Variants in ZNF567 observed in about 807,000 individuals in gnomAD.
ZNF567 encodes zinc finger protein 567.
Under a neutral mutation model 53.9 loss-of-function variants are expected in ZNF567, and 36 were observed. The observed-to-expected ratio is 0.67, with a 90% CI of 0.51 to 0.88. The LOEUF is 0.88. Among genes scored for constraint, ZNF567 ranks in the 40% least tolerant of loss-of-function variants. ZNF567 has a pLI of 0.00. For missense variants in ZNF567, 619 were observed against 764.7 expected (o/e 0.81, Z 2.25); for synonymous variants, 224 against 260.4 (o/e 0.86, Z 1.35).
intron 3 of ZNF567, among the ~76,000 whole-genome samples, chr19:36,704,266 C>T (rs985526218): frequency 2.0e-5 from 3 of 151,668 alleles, no homozygotes; most frequent in African/African-American, 7.3e-5. Context: ...TACAAAAATA[C>T]AAAAAAAATT....
chr19:36,710,471 T>C (rs2039724525), intron 3 of ZNF567, among the ~76,000 whole-genome samples: 1 of 152,148 alleles, frequency 6.6e-6, no homozygotes. Context: ...AATTCTGTTA[T>C]ATCTGTTATG....
At chr19:36,697,918 C>CTTTT (rs71171464) in intron 3 of ZNF567, among the ~76,000 whole-genome samples, 2 of 135,746 alleles carry the variant, frequency 1.5e-5, no homozygotes, top group Admixed American at 7.4e-5. Context: ...GCTGGAATTT[C>CTTTT]TTTTTTTTTT....
rs114770092 is a variant in ZNF567, at chr19:36,708,411, A to G, written c.10-3975A>G. Among the ~76,000 whole-genome samples the G allele has an allele frequency of 1.3e-3, 196 of 152,288 alleles. 1 individual carries two copies. Among genetic ancestry groups the G allele is most frequent in the African/African-American group, 4.5e-3 (185 of 41,550 alleles). On this transcript the variant is annotated intron_variant, in intron 3 of 5. Transcript: ENST00000682579. ...CTTGCTTTTAAGTTTTTGTTAGTGTAGGTCAAGAGCAGCATTTTGGTCTAC... is the reference window on the plus strand; with the variant it reads ...CTTGCTTTTAAGTTTTTGTTAGTGTGGGTCAAGAGCAGCATTTTGGTCTAC...
At chr19:36,675,441 G>A in the ZNF567 span, among the ~76,000 whole-genome samples, 2 of 152,130 alleles carry the variant, frequency 1.3e-5, no homozygotes, top group Admixed American at 6.6e-5. Context: ...TTGGGAGGCT[G>A]AGGCAGACAG....
chr19:36,686,129 C>A (rs1467236698), upstream of ZNF567: 1 of 152,164 alleles, frequency 6.6e-6, no homozygotes, highest in East Asian at 1.9e-4. Flanking sequence ...CCTCACAAGG[C>A]CCTGCCTAAT....
At position 36,719,004 on chromosome 19, in the gene ZNF567, T is replaced by C; in HGVS notation, c.280T>C (p.Tyr94His). ...LVKFKEHQEK[Y>H]SRSVVSINHK... Reference sequence around the variant, plus strand: ...GAAATTCAAGGAACACCAAGAGAAGTATTCTAGATCAGTTGTAAGCATCAA... The same window carrying C: ...GAAATTCAAGGAACACCAAGAGAAGCATTCTAGATCAGTTGTAAGCATCAA... Residue 94 changes from tyrosine to histidine, a missense_variant, in exon 6 of 6, where the codon TAT becomes CAT. Coordinates refer to ENST00000682579, the MANE Select transcript of ZNF567 (RefSeq NM_001322917.1). 3.1e-6 allele frequency: 5 copies of C among 1,589,326 alleles called. No individual in the cohort carries two copies. Among genetic ancestry groups the C allele is most frequent in the Non-Finnish European group, 4.3e-6 (5 of 1,173,518 alleles).
At chr19:36,673,025 T>A in the ZNF567 span, among the ~76,000 whole-genome samples, 2 of 152,256 alleles carry the variant, frequency 1.3e-5, no homozygotes, top group Non-Finnish European at 2.9e-5. Flanking sequence ...TTCATCCCTT[T>A]CATATCTCTT....
intron 5 of ZNF567, among the ~76,000 whole-genome samples, chr19:36,715,896 T>C (rs886581650): frequency 1.3e-5 from 2 of 152,212 alleles, no homozygotes; most frequent in Non-Finnish European, 1.5e-5. Context: ...TCATTTCTTA[T>C]GGATCTCTTC....
chr19:36,718,077 G>A (rs1424334463), intron 5 of ZNF567, among the ~76,000 whole-genome samples: 1 of 152,158 alleles, frequency 6.6e-6, no homozygotes, highest in Non-Finnish European at 1.5e-5. Flanking sequence ...GAGGATTAGA[G>A]CATAGACTGT....
chr19:36,705,801 A>G (rs2039461138), intron 3 of ZNF567, among the ~76,000 whole-genome samples: 1 of 152,186 alleles, frequency 6.6e-6, no homozygotes, highest in African/African-American at 2.4e-5. Context: ...TTTTAGATGC[A>G]TTTATATTTA....
chr19:36,686,425 C>A (rs1406883433), upstream of ZNF567: 1 of 152,156 alleles, frequency 6.6e-6, no homozygotes, highest in Non-Finnish European at 1.5e-5. Context: ...CATAAACATA[C>A]TCAGATGGAA....
downstream of ZNF567, among the ~76,000 whole-genome samples, chr19:36,721,671 A>T (rs2040300351): frequency 6.6e-6 from 1 of 152,024 alleles, no homozygotes; most frequent in South Asian, 2.1e-4. Context: ...ATTAGAATTC[A>T]TACAAGAGAA....
upstream of ZNF567, chr19:36,687,384 GCTCGGGGCTTCCTC>G (rs1215541140): frequency 6.6e-6 from 1 of 152,438 alleles, no homozygotes; most frequent in Non-Finnish European, 1.5e-5. Context: ...CGTCCCGGGA[GCTCGGGGCTTCCTC>G]ACCGTGAGCG....
the ZNF567 span, among the ~76,000 whole-genome samples, chr19:36,680,928 CA>C: frequency 6.6e-6 from 1 of 152,174 alleles, no homozygotes; most frequent in Non-Finnish European, 1.5e-5. Flanking sequence ...ATGAACTACT[CA>C]TCTCAAACTT....
At chr19:36,684,582 T>C (rs1028415179), upstream of ZNF567, among the ~76,000 whole-genome samples, 1 of 152,172 alleles carries the variant, frequency 6.6e-6, no homozygotes, top group Non-Finnish European at 1.5e-5. Context: ...GTTCCTCTTA[T>C]CAGTTGCCTC....
the ZNF567 span, among the ~76,000 whole-genome samples, chr19:36,676,108 C>T: frequency 8.2e-6 from 1 of 121,292 alleles, no homozygotes; most frequent in African/African-American, 3.3e-5. Flanking sequence ...ACTCTGTTGC[C>T]CAGGGTGGAG....
At chr19:36,695,126 C>T (rs3108184) in intron 3 of ZNF567, among the ~76,000 whole-genome samples, 101,459 of 151,054 alleles carry the variant, frequency 0.67, 34,346 homozygotes, top group East Asian at 0.82. Context: ...AACAGCACTT[C>T]GCTCCCAGCA....
intron 3 of ZNF567, among the ~76,000 whole-genome samples, chr19:36,710,247 C>A (rs1174320430): frequency 1.7e-5 from 2 of 115,600 alleles, no homozygotes; most frequent in Non-Finnish European, 3.7e-5. Context: ...TCAGTTATTT[C>A]TTTGAATACA....
chr19:36,716,232 G>C (rs180913406), intron 5 of ZNF567, among the ~76,000 whole-genome samples: 60 of 151,982 alleles, frequency 3.9e-4, no homozygotes, highest in African/African-American at 1.2e-3. Context: ...ATTTCCACTT[G>C]ATCTAGTCTC....
Sources: gnomAD v4.1 joint callset for allele counts (sites outside exome capture counted in the v4.1 genomes callset) on GRCh38, gnomAD v4.1.1 for gene constraint, MANE v1.5 for transcripts, NCBI Gene and HGNC (gene_info 2026-07-23, HGNC 2026-07-21) for gene names.